SLC26A7: variants seen among roughly 807,000 people sequenced by gnomAD.
The protein encoded by SLC26A7 is solute carrier family 26 member 7, also known as anion exchange transporter.
In SLC26A7, 59 loss-of-function variants were observed where a neutral mutation model predicts 82.5. That is an observed-to-expected ratio of 0.72 (90% CI 0.58 to 0.89). SLC26A7 has a LOEUF of 0.89. SLC26A7 is among the 40% of genes least tolerant of loss of function. The probability of loss-of-function intolerance (pLI) is 0.00; values close to 1 mark genes in which losing one functional copy is unlikely to be tolerated. For synonymous variants in SLC26A7, 271 were observed against 274.3 expected (o/e 0.99, Z 0.12); for missense variants, 820 against 793.0 (o/e 1.03, Z -0.41).
At chr8:91,337,538 A>T (rs1461669247) in intron 6 of SLC26A7, among the ~76,000 whole-genome samples, 1 of 152,188 alleles carries the variant, frequency 6.6e-6, no homozygotes, top group Non-Finnish European at 1.5e-5. Context: ...AACCTTGCTT[A>T]GCATATGTCA....
At chr8:91,380,620 G>T (rs965584348) in intron 15 of SLC26A7, among the ~76,000 whole-genome samples, 1 of 152,098 alleles carries the variant, frequency 6.6e-6, no homozygotes, top group Admixed American at 6.5e-5. Context: ...TGTGTTCAAG[G>T]TAACTTATGA....
intron 2 of SLC26A7, among the ~76,000 whole-genome samples, chr8:91,225,643 GTTTTTTTTTTTTTTTTTTT>G (rs55732709): frequency 2.8e-5 from 1 of 36,132 alleles, no homozygotes; most frequent in African/African-American, 1.2e-4. Flanking sequence ...CTAGAAAAGT[GTTTTTTTTTTTTTTTTTTT>G]TTTTTTTTTT....
At chr8:91,394,336 G>A in intron 18 of SLC26A7, 2 of 1,606,142 alleles carry the variant, frequency 1.2e-6, no homozygotes, top group East Asian at 2.2e-5. Flanking sequence ...CTTCTTCCAG[G>A]ATCTACTGTC....
intron 4 of SLC26A7, among the ~76,000 whole-genome samples, chr8:91,296,191 G>A (rs1812011955): frequency 6.6e-6 from 1 of 152,150 alleles, no homozygotes; most frequent in South Asian, 2.1e-4. Context: ...TGAGGTCACT[G>A]GACTCAGATC....
chr8:91,372,245 C>T (rs868541900), intron 15 of SLC26A7, among the ~76,000 whole-genome samples: 36 of 151,804 alleles, frequency 2.4e-4, no homozygotes, highest in Admixed American at 7.9e-4. Flanking sequence ...TAACTAAGCC[C>T]CATTTGTCTA....
At chr8:91,384,896 A>G (rs7014248) in intron 15 of SLC26A7, among the ~76,000 whole-genome samples, 7,946 of 152,244 alleles carry the variant, frequency 0.052, 283 homozygotes, top group African/African-American at 0.11. Context: ...TGAGAAATTC[A>G]AGATATAAAT....
chr8:91,349,024 G>A (rs187909842), intron 9 of SLC26A7, among the ~76,000 whole-genome samples: 8 of 152,170 alleles, frequency 5.3e-5, no homozygotes, highest in Non-Finnish European at 8.8e-5. Context: ...GATTTTTTAC[G>A]AATCCAAATT....
At chr8:91,344,595 C>T (rs569002857) in intron 9 of SLC26A7, among the ~76,000 whole-genome samples, 2 of 152,126 alleles carry the variant, frequency 1.3e-5, no homozygotes, top group African/African-American at 4.8e-5. Context: ...ATAAAACTAG[C>T]TAATCAAGTT....
chr8:91,394,606 C>T lies in SLC26A7; in HGVS notation c.1936-456C>T, dbSNP rs79202010. On this transcript the variant is annotated intron_variant, in intron 18 of 18. Transcript: ENST00000276609. ...TTTGAATTGTTTTGCCTTTCCTCAC[C>T]CCTAGAATAACATTTGGTGCCTCGC... 2.4e-3 allele frequency: 2,764 copies of T among 1,165,646 alleles called. 56 individuals are homozygous for T. In the African/African-American group the frequency reaches 0.039, roughly 17 times the overall value. The allele number at this position is 1,165,646 out of a possible 1,614,324, so 72.2% of individuals were successfully genotyped here.
chr8:91,318,311 G>A lies in SLC26A7; in HGVS notation c.573G>A (p.Val191=), dbSNP rs1237934189. Residue 191 remains valine, a synonymous_variant, in exon 5 of 19, where the codon GTG becomes GTA. Coordinates refer to ENST00000276609, the MANE Select transcript of SLC26A7 (RefSeq NM_052832.4). The part of the protein sequence containing the change: ...AMTTGAATHV[V]TSQVKYLLGM... Reference sequence around the variant, plus strand: ...CAACTGGGGCTGCCACCCATGTGGTGACTTCACAAGTCAAATATCTCTTGG... The same window carrying A: ...CAACTGGGGCTGCCACCCATGTGGTAACTTCACAAGTCAAATATCTCTTGG... The A allele has an allele frequency of 1.2e-6, 2 of 1,612,258 alleles. No individual in the cohort carries two copies. Among genetic ancestry groups the A allele is most frequent in the Non-Finnish European group, 1.7e-6 (2 of 1,179,174 alleles).
At chr8:91,359,679 G>A (rs1303274232) in intron 11 of SLC26A7, among the ~76,000 whole-genome samples, 5 of 152,140 alleles carry the variant, frequency 3.3e-5, no homozygotes, top group African/African-American at 1.2e-4. Flanking sequence ...AAGGGATTCA[G>A]CAGAGAAAAG....
At chr8:91,378,858 G>A (rs947266475) in intron 15 of SLC26A7, among the ~76,000 whole-genome samples, 13 of 152,020 alleles carry the variant, frequency 8.6e-5, no homozygotes, top group East Asian at 3.9e-4. Context: ...TTGGAAATCT[G>A]TAACAATTAA....
rs1005965322 is a variant in SLC26A7, at chr8:91,356,831, G to A, written c.1314+3835G>A. ...TTATTTTCCTCATTTCCATGAATAG[G>A]GCCCTTGATGATTTATTTAGAATTG... On this transcript the variant is annotated intron_variant, in intron 11 of 18. Coordinates refer to ENST00000276609, the MANE Select transcript of SLC26A7 (RefSeq NM_052832.4). Among the ~76,000 whole-genome samples, 15 of 151,904 alleles carry A rather than the reference G, an allele frequency of 9.9e-5. 1 individual carries two copies. Among genetic ancestry groups the A allele is most frequent in the African/African-American group, 3.6e-4 (15 of 41,332 alleles).
chr8:91,226,209 T>G (rs1810237322), intron 2 of SLC26A7, among the ~76,000 whole-genome samples: 1 of 152,186 alleles, frequency 6.6e-6, no homozygotes, highest in Non-Finnish European at 1.5e-5. Context: ...GTTTCCAAGC[T>G]TCTCAATTTC....
At chr8:91,289,394 T>C (rs571833930) in intron 3 of SLC26A7, 148 bp downstream of exon 3, 4 of 655,314 alleles carry the variant, frequency 6.1e-6, no homozygotes, top group Admixed American at 2.3e-5. Context: ...ATGCATCAGA[T>C]AGTCAATATA....
chr8:91,379,847 T>G (rs1278278423), intron 15 of SLC26A7, among the ~76,000 whole-genome samples: 2 of 151,968 alleles, frequency 1.3e-5, no homozygotes, highest in Non-Finnish European at 2.9e-5. Flanking sequence ...AGGTACTATA[T>G]AAAACATGAA....
chr8:91,364,381 G>C (rs72667811), intron 13 of SLC26A7, among the ~76,000 whole-genome samples: 79 of 152,270 alleles, frequency 5.2e-4, no homozygotes, highest in Non-Finnish European at 1.0e-3. Flanking sequence ...ACTGGAAGTA[G>C]AAAGTAGCAT....
chr8:91,246,052 G>C (rs1810540105), upstream of SLC26A7, among the ~76,000 whole-genome samples: 1 of 152,158 alleles, frequency 6.6e-6, no homozygotes, highest in South Asian at 2.1e-4. Flanking sequence ...AGAGAACTGG[G>C]AGAAGCTGAG....
intron 2 of SLC26A7, among the ~76,000 whole-genome samples, chr8:91,284,109 A>C (rs1310245202): frequency 6.6e-6 from 1 of 152,228 alleles, no homozygotes; most frequent in East Asian, 1.9e-4. Flanking sequence ...AGCCAAACTA[A>C]AAGTTTTCCG....
Sources: allele counts gnomAD v4.1 joint callset (sites outside exome capture counted in the v4.1 genomes callset), GRCh38; gene constraint gnomAD v4.1.1; transcripts MANE v1.5; gene names NCBI Gene and HGNC (gene_info 2026-07-23, HGNC 2026-07-21).